Variants in FRMPD3 observed in about 807,000 individuals in gnomAD.
FRMPD3 encodes the protein FERM and PDZ domain containing 3.
In FRMPD3, 42 loss-of-function variants were observed where a neutral mutation model predicts 97.9. The ratio of observed to expected loss-of-function variants is 0.43; its 90% confidence interval spans 0.34 to 0.55. The LOEUF (loss-of-function observed/expected upper bound fraction) is 0.55, where lower values mean the gene tolerates loss of function less well. Among genes scored for constraint, FRMPD3 ranks in the 20% least tolerant of loss-of-function variants. The probability of loss-of-function intolerance (pLI) is 0.03; values close to 1 mark genes in which losing one functional copy is unlikely to be tolerated. For synonymous variants in FRMPD3, 577 were observed against 581.1 expected, an observed-to-expected ratio of 0.99 and a Z score of 0.10; for missense variants, 1,303 against 1,457.7, an observed-to-expected ratio of 0.89 and a Z score of 1.73.
At chrX:107,567,078 A>G (rs1348111817) in intron 12 of FRMPD3, among the ~76,000 whole-genome samples, 2 of 111,882 alleles carry the variant, frequency 1.8e-5, no homozygotes, top group Admixed American at 1.9e-4. Flanking sequence ...AAGTGTCTTA[A>G]CCTCTCTGAA....
At chrX:107,500,586 G>A (rs1318347283) in intron 1 of FRMPD3, among the ~76,000 whole-genome samples, 1 of 111,527 alleles carries the variant, frequency 9.0e-6, no homozygotes, top group Non-Finnish European at 1.9e-5. Context: ...CTGAGGTCAG[G>A]AGTTCAAGAC....
rs767842378 is a variant in FRMPD3 at position 107,601,238 on chromosome X, C to A, written c.3199C>A (p.Arg1067=). The change falls in exon 15 of 15, where the codon CGA becomes AGA. Residue 1067 remains arginine, a synonymous_variant. Coordinates refer to ENST00000683843, the MANE Select transcript of FRMPD3 (RefSeq NM_001388459.1). ...TTTCCCTCCCAAAAGCTATCTTTTG[C>A]GAACAAGCCGAGAGTCAGTGGGCAA... The part of the protein sequence containing the change: ...QNFPPKSYLL[R]TSRESVGKQA... 3.3e-6 allele frequency: 4 copies of A among 1,208,336 alleles called. No individual in the cohort carries two copies. The highest frequency in any genetic ancestry group is 2.2e-6 in the Non-Finnish European group (2 of 893,742).
At chrX:107,516,222 T>C (rs906102826) in intron 1 of FRMPD3, among the ~76,000 whole-genome samples, 5 of 110,513 alleles carry the variant, frequency 4.5e-5, no homozygotes, top group African/African-American at 1.6e-4. Flanking sequence ...TTTTTATGGC[T>C]GCATAGTATT....
chrX:107,557,690 T>TGC (rs1922140155), intron 8 of FRMPD3, among the ~76,000 whole-genome samples: 1 of 97,829 alleles, frequency 1.0e-5, no homozygotes, highest in Non-Finnish European at 2.0e-5. Context: ...TGTGTGTGTG[T>TGC]GTGTTTTTTT....
chrX:107,527,837 A>AAC (rs1057191468), intron 2 of FRMPD3, among the ~76,000 whole-genome samples: 8 of 111,303 alleles, frequency 7.2e-5, no homozygotes, highest in African/African-American at 1.6e-4. Flanking sequence ...GAGGAAAAAA[A>AAC]ACACACACAC....
At chrX:107,497,714 C>G (rs1921808108) in intron 1 of FRMPD3, among the ~76,000 whole-genome samples, 1 of 112,251 alleles carries the variant, frequency 8.9e-6, no homozygotes, top group South Asian at 3.7e-4. Context: ...CTTAAAAATC[C>G]TTGAATTCTT....
intron 14 of FRMPD3, among the ~76,000 whole-genome samples, chrX:107,599,693 A>G (rs1045750754): frequency 1.8e-5 from 2 of 112,331 alleles, no homozygotes; most frequent in Admixed American, 1.9e-4. Flanking sequence ...TGTGATTCAC[A>G]TGGTAATTTG....
At chrX:107,600,059 A>G (rs1391870724) in intron 14 of FRMPD3, among the ~76,000 whole-genome samples, 2 of 112,399 alleles carry the variant, frequency 1.8e-5, no homozygotes, top group South Asian at 3.7e-4. Flanking sequence ...AACTATTTAC[A>G]TAGCATTTAC....
In FRMPD3 at chrX:107,601,897, G is replaced by A. The variant is rs1924532514; in HGVS notation, c.3858G>A (p.Gln1286=). 8.3e-7 allele frequency: 1 copy of A among 1,201,769 alleles called. No individual in the cohort carries two copies. Among genetic ancestry groups the A allele is most frequent in the African/African-American group, 1.8e-5 (1 of 57,140 alleles). ...CSCQLRSSPV[Q]QGPGMSREQR... ...GCCAGCTCCGCAGCAGCCCTGTGCAGCAGGGGCCTGGCATGTCCCGTGAGC... is the reference window on the plus strand; with the variant it reads ...GCCAGCTCCGCAGCAGCCCTGTGCAACAGGGGCCTGGCATGTCCCGTGAGC... Residue 1286 remains glutamine, a synonymous_variant, in exon 15 of 15, where the codon CAG becomes CAA. Transcript: ENST00000683843.
In FRMPD3 at chrX:107,545,528, T is replaced by C. The variant is rs1484522298; in HGVS notation, c.298-209T>C. On this transcript the variant is annotated intron_variant, in intron 4 of 14. Coordinates refer to ENST00000683843, the MANE Select transcript of FRMPD3 (RefSeq NM_001388459.1). ...TGGGGTTCAATCTACCCAAATTCAA[T>C]TCATGCCCAGCTGTTTCAGAACACA... 33 of 369,255 alleles carry C rather than the reference T, an allele frequency of 8.9e-5. 1 individual carries two copies. Among genetic ancestry groups the C allele is most frequent in the Non-Finnish European group, 4.2e-5 (9 of 213,984 alleles). 30.4% of individuals were successfully genotyped at this position (369,255 alleles called of 1,213,427 possible).
intron 1 of FRMPD3, among the ~76,000 whole-genome samples, chrX:107,505,638 C>T (rs777466010): frequency 1.8e-5 from 2 of 112,704 alleles, no homozygotes; most frequent in South Asian, 3.7e-4. Flanking sequence ...GAAAGAAATA[C>T]GAGTTCTAAA....
intron 1 of FRMPD3, among the ~76,000 whole-genome samples, chrX:107,493,154 T>A (rs185241961): frequency 3.1e-3 from 209 of 67,069 alleles, no homozygotes; most frequent in African/African-American, 0.013. Flanking sequence ...CACTCCAACC[T>A]GGGTGACAAA....
In FRMPD3 at chrX:107,603,019, G is replaced by A. The variant is rs775724416; in HGVS notation, c.4980G>A (p.Thr1660=). Reference sequence around the variant, plus strand: ...CAACTCACATGCTGGCAGCCATCACGGGCAGCTTCCAGGTGCTGAGCAGCC... The same window carrying A: ...CAACTCACATGCTGGCAGCCATCACAGGCAGCTTCCAGGTGCTGAGCAGCC... ...KSPTHMLAAI[T]GSFQVLSSLI... The change falls in exon 15 of 15, where the codon ACG becomes ACA. Residue 1660 remains threonine (T), a synonymous_variant. Transcript: ENST00000683843. 1.4e-5 allele frequency: 17 copies of A among 1,209,809 alleles called. No individual in the cohort carries two copies. In the Admixed American group the frequency reaches 2.6e-4, roughly 19 times the overall value.
intron 1 of FRMPD3, among the ~76,000 whole-genome samples, chrX:107,464,369 T>C (rs1439164575): frequency 1.8e-5 from 2 of 111,318 alleles, no homozygotes; most frequent in East Asian, 5.6e-4. Context: ...TGTTTTTTTT[T>C]GCTAAATCTA....
intron 8 of FRMPD3, 72 bp downstream of exon 8, chrX:107,554,576 A>G (rs1455293322): frequency 1.1e-5 from 12 of 1,127,012 alleles, no homozygotes; most frequent in South Asian, 2.0e-5. Context: ...TGCCATCACA[A>G]TGAAATAGCT....
intron 1 of FRMPD3, among the ~76,000 whole-genome samples, chrX:107,512,013 T>A (rs1922178520): frequency 9.1e-6 from 1 of 110,145 alleles, no homozygotes; most frequent in African/African-American, 3.3e-5. Context: ...CTCCACTTCC[T>A]ACTTTCTTTT....
chrX:107,594,795 C>T (rs1054925853), intron 13 of FRMPD3, among the ~76,000 whole-genome samples: 3 of 111,284 alleles, frequency 2.7e-5, no homozygotes, highest in Middle Eastern at 4.6e-3. Flanking sequence ...GCAGGAGAAT[C>T]GCTTGAACCC....
At chrX:107,520,304 T>C (rs981506982) in intron 1 of FRMPD3, among the ~76,000 whole-genome samples, 1 of 110,478 alleles carries the variant, frequency 9.1e-6, no homozygotes, top group Admixed American at 9.7e-5. Context: ...GGAAGAGTAG[T>C]CTGCCAAATC....
chrX:107,463,372 C>T (rs1326149541), intron 1 of FRMPD3, among the ~76,000 whole-genome samples: 3 of 112,446 alleles, frequency 2.7e-5, no homozygotes, highest in Admixed American at 9.4e-5. Flanking sequence ...TTGCCTCTTA[C>T]AGTTGATAGC....
Sources: gnomAD v4.1 joint callset for allele counts (sites outside exome capture counted in the v4.1 genomes callset) on GRCh38, gnomAD v4.1.1 for gene constraint, MANE v1.5 for transcripts, NCBI Gene and HGNC (gene_info 2026-07-23, HGNC 2026-07-21) for gene names.